The following PPM1L variants were observed in gnomAD, a reference collection of about 807,000 sequenced individuals.
PPM1L encodes the protein protein phosphatase 1L.
Under a neutral mutation model 31.4 loss-of-function variants are expected in PPM1L, and 13 were observed. That is an observed-to-expected ratio of 0.41 (90% CI 0.27 to 0.66). The LOEUF is 0.66. Ranked by LOEUF, PPM1L falls within the 30% of genes least tolerant of loss-of-function variation. The pLI is 0.29. For synonymous variants in PPM1L, 184 were observed against 175.4 expected (o/e 1.05, Z -0.39); for missense variants, 326 against 453.7 (o/e 0.72, Z 2.56).
intron 2 of PPM1L, among the ~76,000 whole-genome samples, chr3:161,014,082 T>A (rs1470794656): frequency 6.6e-6 from 1 of 152,238 alleles, no homozygotes; most frequent in Non-Finnish European, 1.5e-5. Context: ...TAGCTGGTTA[T>A]TTTGCTCATT....
chr3:160,813,777 T>G (rs1382600951), intron 1 of PPM1L, among the ~76,000 whole-genome samples: 1 of 152,260 alleles, frequency 6.6e-6, no homozygotes, highest in East Asian at 1.9e-4. Flanking sequence ...GCCAAAGTTT[T>G]TATTTCTGAA....
chr3:161,034,790 G>A (rs544036742), intron 2 of PPM1L, among the ~76,000 whole-genome samples: 22 of 150,212 alleles, frequency 1.5e-4, no homozygotes, highest in Admixed American at 5.3e-4. Flanking sequence ...ACCATGGCAC[G>A]TGTATACCTA....
intron 1 of PPM1L, among the ~76,000 whole-genome samples, chr3:160,872,484 A>G (rs962983582): frequency 6.6e-6 from 1 of 152,232 alleles, no homozygotes; most frequent in Non-Finnish European, 1.5e-5. Flanking sequence ...CCCTGCTCTC[A>G]GGAAGTTTAA....
At chr3:160,885,619 G>A (rs531726184) in intron 1 of PPM1L, among the ~76,000 whole-genome samples, 3 of 152,332 alleles carry the variant, frequency 2.0e-5, no homozygotes, top group African/African-American at 7.2e-5. Flanking sequence ...AGAGCCACAC[G>A]GGGCAGAGGA....
At chr3:160,989,361 A>T (rs934665715) in intron 2 of PPM1L, among the ~76,000 whole-genome samples, 5 of 151,942 alleles carry the variant, frequency 3.3e-5, no homozygotes, top group Non-Finnish European at 7.4e-5. Context: ...GCACTTTTTT[A>T]AAAAAATAAC....
intron 1 of PPM1L, among the ~76,000 whole-genome samples, chr3:160,936,275 T>C (rs1335391066): frequency 2.6e-5 from 4 of 152,132 alleles, no homozygotes; most frequent in Non-Finnish European, 4.4e-5. Context: ...GTATTTTTAG[T>C]GGAGATGGGG....
At chr3:160,895,583 G>T (rs1467925485) in intron 1 of PPM1L, among the ~76,000 whole-genome samples, 3 of 152,140 alleles carry the variant, frequency 2.0e-5, no homozygotes, top group Non-Finnish European at 4.4e-5. Context: ...GATAGAATGG[G>T]AATAATACTT....
intron 1 of PPM1L, among the ~76,000 whole-genome samples, chr3:160,786,187 G>GTGTGTGTA (rs1302285733): frequency 2.8e-3 from 111 of 39,414 alleles, no homozygotes; most frequent in Non-Finnish European, 3.4e-3. Context: ...GTGTGTGTGT[G>GTGTGTGTA]TATATATATA....
intron 1 of PPM1L, among the ~76,000 whole-genome samples, chr3:160,947,775 C>T (rs2108095070): frequency 6.6e-6 from 1 of 152,290 alleles, no homozygotes; most frequent in Non-Finnish European, 1.5e-5. Context: ...CTTAGTTCAA[C>T]TTTAAATTTA....
intron 1 of PPM1L, among the ~76,000 whole-genome samples, chr3:160,800,857 A>G (rs1267273411): frequency 1.3e-5 from 2 of 152,214 alleles, no homozygotes; most frequent in Non-Finnish European, 2.9e-5. Flanking sequence ...TGTTTTAGGT[A>G]GAAAACAATG....
intron 1 of PPM1L, among the ~76,000 whole-genome samples, chr3:160,948,900 T>A (rs985035842): frequency 6.6e-6 from 1 of 152,144 alleles, no homozygotes; most frequent in African/African-American, 2.4e-5. Flanking sequence ...AAAATACACA[T>A]GTCTAGACCT....
At chr3:160,920,787 C>T (rs1364581589) in intron 1 of PPM1L, among the ~76,000 whole-genome samples, 1 of 152,108 alleles carries the variant, frequency 6.6e-6, no homozygotes, top group Admixed American at 6.6e-5. Flanking sequence ...ATCTCCTTGA[C>T]TGTCTTCATA....
chr3:161,050,454 T>A (rs1353459559), intron 2 of PPM1L, among the ~76,000 whole-genome samples: 2 of 152,170 alleles, frequency 1.3e-5, no homozygotes, highest in Admixed American at 1.3e-4. Flanking sequence ...TTCAGAAAAG[T>A]TTTTTTAAAA....
At chr3:160,958,217 C>T (rs1249509465) in intron 1 of PPM1L, among the ~76,000 whole-genome samples, 1 of 152,186 alleles carries the variant, frequency 6.6e-6, no homozygotes, top group Non-Finnish European at 1.5e-5. Context: ...GTGTCTTCAG[C>T]ATGAAATCTT....
chr3:161,049,659 T>C (rs1001877709), intron 2 of PPM1L, among the ~76,000 whole-genome samples: 2 of 152,242 alleles, frequency 1.3e-5, no homozygotes, highest in Non-Finnish European at 2.9e-5. Context: ...CCCATGTACC[T>C]TGCAGGATTT....
intron 1 of PPM1L, among the ~76,000 whole-genome samples, chr3:160,956,523 G>A (rs550098568): frequency 1.5e-4 from 23 of 152,246 alleles, no homozygotes; most frequent in Non-Finnish European, 2.9e-4. Context: ...TACATTGCAC[G>A]TGATTCCTCA....
At chr3:160,919,251 T>G (rs2108069719) in intron 1 of PPM1L, among the ~76,000 whole-genome samples, 1 of 152,352 alleles carries the variant, frequency 6.6e-6, no homozygotes. Context: ...TGAGAGATTC[T>G]TTTTCCTTCT....
chr3:161,034,868 A>T (rs1427815630), intron 2 of PPM1L, among the ~76,000 whole-genome samples: 1 of 151,400 alleles, frequency 6.6e-6, no homozygotes. Flanking sequence ...ATAAAAGAAA[A>T]TGTGGCACAT....
intron 2 of PPM1L, among the ~76,000 whole-genome samples, chr3:161,059,328 A>G (rs1271568977): frequency 6.6e-6 from 1 of 152,146 alleles, no homozygotes; most frequent in Non-Finnish European, 1.5e-5. Context: ...CTCTCCACCT[A>G]CCAGGAGTGA....
Sources: gnomAD v4.1 joint callset for allele counts (sites outside exome capture counted in the v4.1 genomes callset) on GRCh38, gnomAD v4.1.1 for gene constraint, MANE v1.5 for transcripts, NCBI Gene and HGNC (gene_info 2026-07-23, HGNC 2026-07-21) for gene names.